Variants in QDPR observed in about 807,000 individuals in gnomAD.
QDPR encodes dihydropteridine reductase.
Under a neutral mutation model 31.7 loss-of-function variants are expected in QDPR, and 23 were observed. The ratio of observed to expected loss-of-function variants is 0.73; its 90% CI spans 0.52 to 1.03. QDPR has a LOEUF of 1.03. Among genes scored for constraint, QDPR ranks in the 50% least tolerant of loss-of-function variants. QDPR has a pLI of 0.00. For missense variants in QDPR, 324 were observed against 323.8 expected (o/e 1.00, Z 0.00); for synonymous variants, 124 against 124.7 (o/e 0.99, Z 0.03).
At chr4:17,494,371 T>A (rs1179578932) in intron 4 of QDPR, among the ~76,000 whole-genome samples, 1 of 152,110 alleles carries the variant, frequency 6.6e-6, no homozygotes, top group African/African-American at 2.4e-5. Context: ...CCAAGTGGAC[T>A]TTCCTCATTA....
intron 2 of QDPR, among the ~76,000 whole-genome samples, chr4:17,508,561 G>A (rs1718872238): frequency 6.6e-6 from 1 of 151,330 alleles, no homozygotes; most frequent in African/African-American, 2.4e-5. Context: ...ATAAATTGTG[G>A]CCATTCCATA....
chr4:17,493,795 G>C (rs909546981), intron 4 of QDPR, among the ~76,000 whole-genome samples: 1 of 152,084 alleles, frequency 6.6e-6, no homozygotes, highest in Admixed American at 6.6e-5. Context: ...CCAGGAGGTC[G>C]GTAGGTGGAG....
intron 3 of QDPR, among the ~76,000 whole-genome samples, chr4:17,504,110 T>A (rs145426601): frequency 1.3e-5 from 2 of 152,194 alleles, no homozygotes; most frequent in Admixed American, 1.3e-4. Context: ...GAATAGCACA[T>A]GGCCTGGGGC....
In QDPR at chr4:17,486,558, G is replaced by A. The variant is rs1445093980; in HGVS notation, c.*573C>T. 3.2e-5 allele frequency: 5 copies of A among 156,594 alleles called. No homozygotes were observed. The highest frequency in any genetic ancestry group is 1.2e-4 in the African/African-American group (5 of 41,444). 9.7% of individuals were successfully genotyped at this position (156,594 alleles called of 1,614,324 possible). A position where few individuals can be genotyped will look rare whatever the true frequency, so the allele number is the denominator to read the frequency against. ...GACAGACAACAAGTGCATTTATTAG[G>A]AACAACATTCTGAATACTCACGAGT... On this transcript the variant is annotated 3_prime_UTR_variant, in exon 7 of 7. Transcript: ENST00000281243.
intron 4 of QDPR, among the ~76,000 whole-genome samples, chr4:17,498,060 T>A (rs1718429015): frequency 6.6e-6 from 1 of 152,166 alleles, no homozygotes; most frequent in Non-Finnish European, 1.5e-5. Context: ...AATGCTGCTA[T>A]CACAGAATAA....
chr4:17,504,410 T>C lies in QDPR; in HGVS notation c.264A>G (p.Gly88=). Residue 88 remains glycine (G), a synonymous_variant, in exon 3 of 7, where the codon GGA becomes GGG. Coordinates refer to ENST00000281243, the MANE Select transcript of QDPR (RefSeq NM_000320.3). ...EKVDAILCVA[G]GWAGGNAKSK... ...ATTTGGCATTGCCCCCGGCCCATCCTCCAGCAACGCAAAGAATTGCATCCA... is the reference window on the plus strand; with the variant it reads ...ATTTGGCATTGCCCCCGGCCCATCCCCCAGCAACGCAAAGAATTGCATCCA... 6.2e-7 allele frequency: 1 copy of C among 1,614,180 alleles called. No individual in the cohort carries two copies. Among genetic ancestry groups the C allele is most frequent in the Non-Finnish European group, 8.5e-7 (1 of 1,180,020 alleles).
intron 3 of QDPR, among the ~76,000 whole-genome samples, chr4:17,503,795 C>CA (rs1718653933): frequency 6.6e-6 from 1 of 151,984 alleles, no homozygotes. Context: ...ACTAAAAATA[C>CA]AAAAAATTAG....
intron 4 of QDPR, among the ~76,000 whole-genome samples, chr4:17,497,375 A>C (rs986061637): frequency 3.9e-4 from 60 of 152,014 alleles, no homozygotes; most frequent in Non-Finnish European, 7.4e-5. Flanking sequence ...CCCTGTTTGA[A>C]TCAGCTCCCT....
chr4:17,491,985 T>TG (rs1718181079), intron 5 of QDPR, among the ~76,000 whole-genome samples: 1 of 152,244 alleles, frequency 6.6e-6, no homozygotes, highest in Non-Finnish European at 1.5e-5. Flanking sequence ...GCCTTCATCT[T>TG]GGACTTCCCA....
intron 6 of QDPR, 195 bp downstream of exon 6, chr4:17,490,467 C>T: frequency 1.7e-6 from 1 of 586,574 alleles, no homozygotes; most frequent in Non-Finnish European, 3.2e-6. Context: ...CCCATTCTGC[C>T]ACTGTGCTGC....
intron 4 of QDPR, among the ~76,000 whole-genome samples, chr4:17,499,098 C>T (rs1029359182): frequency 6.6e-6 from 1 of 152,190 alleles, no homozygotes; most frequent in African/African-American, 2.4e-5. Context: ...ATACCTTTCT[C>T]ATCCATTTAG....
At chr4:17,511,901 C>A (rs752531943) in intron 1 of QDPR, 49 bp downstream of exon 1, 4 of 1,569,054 alleles carry the variant, frequency 2.5e-6, no homozygotes, top group Admixed American at 3.5e-5. Flanking sequence ...CACACGAAAG[C>A]CCCCGGCCAC....
At position 17,512,021 on chromosome 4, in the gene QDPR, G is replaced by A; in HGVS notation, c.34C>T (p.Arg12Trp). Residue 12 changes from arginine (R) to tryptophan (W), a missense_variant, in exon 1 of 7, where the codon CGG becomes TGG. Physicochemically the swap from Arg to Trp is moderately radical, Grantham distance 101. Transcript: ENST00000281243. The stretch of plus-strand genomic sequence containing the variant: ...CCCCTGCCGCCGTACACCAGCACCC[G>A]GCGCGCCTCGCCTGCAGCCGCCGCC... ...AAAAAAGEARRVLVYGGRGAL... is the reference protein window; with the variant it reads ...AAAAAAGEARWVLVYGGRGAL... The A allele has an allele frequency of 1.2e-6, 2 of 1,606,490 alleles. No homozygotes were observed. The highest frequency in any genetic ancestry group is 1.1e-5 in the South Asian group (1 of 90,588).
intron 2 of QDPR, among the ~76,000 whole-genome samples, chr4:17,507,589 A>G (rs538672581): frequency 1.1e-3 from 153 of 143,446 alleles, no homozygotes; most frequent in African/African-American, 3.8e-3. Context: ...AAGAGCATCA[A>G]AGATTTTTCT....
chr4:17,511,736 C>T (rs1195692116), intron 1 of QDPR, among the ~76,000 whole-genome samples: 3 of 152,228 alleles, frequency 2.0e-5, no homozygotes, highest in South Asian at 2.1e-4. Flanking sequence ...GGAGCACCTC[C>T]TTGCACAGCA....
intron 5 of QDPR, among the ~76,000 whole-genome samples, chr4:17,491,946 A>G (rs1184137280): frequency 1.3e-5 from 2 of 152,212 alleles, no homozygotes; most frequent in Non-Finnish European, 2.9e-5. Flanking sequence ...ATGAGGAATG[A>G]GCCCTCGCCA....
At chr4:17,489,540 T>C (rs977813922) in intron 6 of QDPR, among the ~76,000 whole-genome samples, 6 of 152,196 alleles carry the variant, frequency 3.9e-5, no homozygotes, top group Admixed American at 1.3e-4. Flanking sequence ...GTTAAGACCA[T>C]AGGTTCTGCA....
intron 6 of QDPR, 73 bp downstream of exon 6, chr4:17,490,589 G>C (rs1423154820): frequency 7.8e-7 from 1 of 1,285,958 alleles, no homozygotes; most frequent in African/African-American, 1.5e-5. Flanking sequence ...ACACAGACTT[G>C]TCCTCTGGAC....
At chr4:17,500,493 A>G (rs1459987223) in intron 4 of QDPR, among the ~76,000 whole-genome samples, 1 of 152,190 alleles carries the variant, frequency 6.6e-6, no homozygotes, top group Non-Finnish European at 1.5e-5. Context: ...AAATGAGCCC[A>G]TTGAGATGGG....
Sources: gnomAD v4.1 joint callset for allele counts (sites outside exome capture counted in the v4.1 genomes callset) on GRCh38, gnomAD v4.1.1 for gene constraint, MANE v1.5 for transcripts, NCBI Gene and HGNC (gene_info 2026-07-23, HGNC 2026-07-21) for gene names.